Variants in CDC42EP4 observed in about 807,000 individuals in gnomAD.
CDC42EP4 encodes CDC42 effector protein 4.
A neutral mutation model predicts 5.6 loss-of-function variants in CDC42EP4; 6 were observed. The observed-to-expected ratio is 1.07, with a 90% CI of 0.59 to 2.12. The LOEUF is 2.12. Among genes scored for constraint, CDC42EP4 ranks in the 30% most tolerant of loss-of-function variants. The pLI, the probability that CDC42EP4 is intolerant of heterozygous loss-of-function variation, is 0.00. For missense variants in CDC42EP4, 490 were observed against 508.6 expected (o/e 0.96, Z 0.35); for synonymous variants, 230 against 224.2 (o/e 1.03, Z -0.23).
chr17:73,300,776 G>T (rs1411513166), intron 1 of CDC42EP4, among the ~76,000 whole-genome samples: 2 of 152,144 alleles, frequency 1.3e-5, no homozygotes, highest in Admixed American at 6.5e-5. Flanking sequence ...GCAGGGCGCG[G>T]TGGCTCACCC....
At chr17:73,309,308 G>A (rs576334248) in intron 1 of CDC42EP4, among the ~76,000 whole-genome samples, 6 of 152,116 alleles carry the variant, frequency 3.9e-5, no homozygotes, top group African/African-American at 7.2e-5. Flanking sequence ...TGACTATGAC[G>A]CTGCACCACA....
rs539543636 is a variant in CDC42EP4, at chr17:73,307,760, C to CTT, written c.-113+4131_-113+4132dup. ...ACCACGCCTGGCCCTGAATTTCTCTCTTTTTTTTTTTTTTTTTTTTGAGAT... is the reference window on the plus strand; with the variant it reads ...ACCACGCCTGGCCCTGAATTTCTCTCTTTTTTTTTTTTTTTTTTTTTTGAGAT... On this transcript the variant is annotated intron_variant, in intron 1 of 1. Transcript: ENST00000335793. Among the ~76,000 whole-genome samples, 168 of 107,168 alleles carry CTT rather than the reference C, an allele frequency of 1.6e-3. 1 individual carries two copies. Among genetic ancestry groups the CTT allele is most frequent in the Middle Eastern group, 5.7e-3 (1 of 174 alleles). 70.3% of individuals were successfully genotyped at this position (107,168 alleles called of 152,430 possible).
chr17:73,295,212 G>A (rs967390527), intron 1 of CDC42EP4, among the ~76,000 whole-genome samples: 7 of 152,144 alleles, frequency 4.6e-5, no homozygotes, highest in Non-Finnish European at 7.3e-5. Flanking sequence ...ATCTGGGAGA[G>A]GATCCAACCC....
intron 1 of CDC42EP4, among the ~76,000 whole-genome samples, chr17:73,304,848 T>C (rs1478359401): frequency 6.6e-6 from 1 of 152,174 alleles, no homozygotes; most frequent in Non-Finnish European, 1.5e-5. Context: ...AGATTAATCC[T>C]GGAAAATACA....
intron 1 of CDC42EP4, among the ~76,000 whole-genome samples, chr17:73,299,269 TA>T (rs1026712973): frequency 8.7e-5 from 13 of 148,974 alleles, no homozygotes; most frequent in South Asian, 2.1e-4. Context: ...TAAAAATATT[TA>T]AAAAAAAAAA....
At chr17:73,287,910 C>T (rs868088666) in intron 1 of CDC42EP4, among the ~76,000 whole-genome samples, 4 of 152,182 alleles carry the variant, frequency 2.6e-5, no homozygotes, top group Non-Finnish European at 4.4e-5. Flanking sequence ...GTCCATCCTT[C>T]ACCTCTTGGC....
intron 1 of CDC42EP4, among the ~76,000 whole-genome samples, chr17:73,300,956 G>A (rs1046139448): frequency 6.6e-6 from 1 of 151,682 alleles, no homozygotes; most frequent in Admixed American, 6.6e-5. Context: ...GAGGCAGGAA[G>A]TATTGCTTCA....
In CDC42EP4 at chr17:73,285,372, G is replaced by C; in HGVS notation, c.*58C>G. 1 of 1,360,978 alleles carries C rather than the reference G, an allele frequency of 7.3e-7. No individual in the cohort carries two copies. 84.3% of individuals were successfully genotyped at this position (1,360,978 alleles called of 1,614,324 possible). On this transcript the variant is annotated 3_prime_UTR_variant, in exon 2 of 2. Coordinates refer to ENST00000335793, the MANE Select transcript of CDC42EP4 (RefSeq NM_012121.5). The surrounding 1 kb of genome is among the most constrained non-coding windows in gnomAD (Gnocchi z 6.8). ...CGCCGTAGGGTCAAAGGTCATAGTG[G>C]GGTGGGGGCAGGGAGAAGATGCAGC...
intron 1 of CDC42EP4, among the ~76,000 whole-genome samples, chr17:73,303,428 G>A (rs896274952): frequency 1.3e-5 from 2 of 152,272 alleles, no homozygotes; most frequent in Non-Finnish European, 2.9e-5. Flanking sequence ...TTGGGAGGCC[G>A]AGGAGTATGG....
intron 1 of CDC42EP4, among the ~76,000 whole-genome samples, chr17:73,308,256 G>T (rs2062254766): frequency 1.3e-5 from 2 of 152,154 alleles, no homozygotes; most frequent in African/African-American, 4.8e-5. Context: ...TCCAGAATTT[G>T]GTTCTTTTCC....
Position 73,300,695 on chromosome 17 carries a change from A to G in CDC42EP4, c.-113+11198T>C, listed in dbSNP as rs188401349. Among the ~76,000 whole-genome samples, 598 of 152,316 alleles carry G rather than the reference A, an allele frequency of 3.9e-3. 5 individuals carry two copies. Among genetic ancestry groups the G allele is most frequent in the Non-Finnish European group, 4.9e-3 (330 of 68,028 alleles). ...AGACTTCACACTACACAATATACCCATGTAACAAAACTATACTTGCACTCC... is the reference window on the plus strand; with the variant it reads ...AGACTTCACACTACACAATATACCCGTGTAACAAAACTATACTTGCACTCC... On this transcript the variant is annotated intron_variant, in intron 1 of 1. Transcript: ENST00000335793.
At chr17:73,299,597 C>T (rs1445202459) in intron 1 of CDC42EP4, among the ~76,000 whole-genome samples, 2 of 152,100 alleles carry the variant, frequency 1.3e-5, no homozygotes, top group Non-Finnish European at 1.5e-5. Flanking sequence ...AACCGTTGCA[C>T]CCCACACCCA....
intron 1 of CDC42EP4, among the ~76,000 whole-genome samples, chr17:73,297,295 C>CA (rs771033180): frequency 0.42 from 42,648 of 100,766 alleles, 8,448 homozygotes; most frequent in Non-Finnish European, 0.49. Flanking sequence ...ACTTCGTCTC[C>CA]AAAAAAAAAA....
intron 1 of CDC42EP4, among the ~76,000 whole-genome samples, chr17:73,296,395 G>A (rs28391326): frequency 6.9e-6 from 1 of 144,384 alleles, no homozygotes; most frequent in South Asian, 2.3e-4. Context: ...TCCAGCCTGG[G>A]CAACAGAGGG....
At chr17:73,288,728 A>AC in intron 1 of CDC42EP4, among the ~76,000 whole-genome samples, 1 of 151,446 alleles carries the variant, frequency 6.6e-6, no homozygotes, top group Admixed American at 6.6e-5. Context: ...TCCCAGCCTG[A>AC]CCTCTCTGCA....
chr17:73,303,297 C>T (rs527993140), intron 1 of CDC42EP4, among the ~76,000 whole-genome samples: 7 of 151,944 alleles, frequency 4.6e-5, no homozygotes, highest in East Asian at 3.9e-4. Flanking sequence ...GAGCCGAGAT[C>T]GCACCCTTAC....
chr17:73,296,539 G>T (rs2145316747), intron 1 of CDC42EP4, among the ~76,000 whole-genome samples: 1 of 152,232 alleles, frequency 6.6e-6, no homozygotes, highest in African/African-American at 2.4e-5. Context: ...ATGGAAAGTG[G>T]GAACTATGAA....
At chr17:73,306,224 T>C (rs2062243706) in intron 1 of CDC42EP4, among the ~76,000 whole-genome samples, 1 of 151,756 alleles carries the variant, frequency 6.6e-6, no homozygotes, top group Non-Finnish European at 1.5e-5. Flanking sequence ...GCACCGTGGC[T>C]CATGCCTGAA....
At chr17:73,310,069 T>C (rs1392660815) in intron 1 of CDC42EP4, 1 of 152,092 alleles carries the variant, frequency 6.6e-6, no homozygotes, top group Non-Finnish European at 1.5e-5. Flanking sequence ...GTGGATGCCC[T>C]GTTATTGCCC....
Sources: allele counts gnomAD v4.1 joint callset (sites outside exome capture counted in the v4.1 genomes callset), GRCh38; gene constraint gnomAD v4.1.1; non-coding constraint Gnocchi (gnomAD v3.1); transcripts MANE v1.5; gene names NCBI Gene and HGNC (gene_info 2026-07-23, HGNC 2026-07-21).